CDK17: variants seen among roughly 807,000 people sequenced by gnomAD.
CDK17 encodes cyclin dependent kinase 17, also known as cyclin-dependent kinase 17.
CDK17 carries 24 observed loss-of-function variants against 77.6 expected under a neutral mutation model. The observed-to-expected ratio is 0.31, with a 90% CI of 0.22 to 0.44. CDK17 has a LOEUF of 0.44. CDK17 is among the 20% of genes least tolerant of loss of function. CDK17 has a pLI of 1.00. For synonymous variants in CDK17, 203 were observed against 210.4 expected, an observed-to-expected ratio of 0.96 and a Z score of 0.30; for missense variants, 429 against 622.5, an observed-to-expected ratio of 0.69 and a Z score of 3.31.
chr12:96,364,371 C>G (rs1366478180), intron 1 of CDK17, among the ~76,000 whole-genome samples: 1 of 152,122 alleles, frequency 6.6e-6, no homozygotes, highest in East Asian at 1.9e-4. Context: ...GTATTCCCAC[C>G]AGCAATGTGT....
At chr12:96,350,617 G>A (rs1953295773) in intron 1 of CDK17, among the ~76,000 whole-genome samples, 1 of 152,162 alleles carries the variant, frequency 6.6e-6, no homozygotes, top group Non-Finnish European at 1.5e-5. Flanking sequence ...CCATTCAATA[G>A]GGAGGGAGCA....
At chr12:96,297,828 TG>T in intron 7 of CDK17, 107 bp from the exon 8 acceptor site, 1 of 625,832 alleles carries the variant, frequency 1.6e-6, no homozygotes, top group South Asian at 2.3e-5. Flanking sequence ...GTTTAGGTCT[TG>T]GGCGGTGGCT....
At chr12:96,395,962 T>C (rs1370628035) in intron 1 of CDK17, among the ~76,000 whole-genome samples, 3 of 152,244 alleles carry the variant, frequency 2.0e-5, no homozygotes, top group Non-Finnish European at 4.4e-5. Context: ...CAATGTATGG[T>C]ATTTTGTTAT....
At chr12:96,361,245 A>C (rs1953488743) in intron 1 of CDK17, among the ~76,000 whole-genome samples, 1 of 152,176 alleles carries the variant, frequency 6.6e-6, no homozygotes. Flanking sequence ...AAAAACTGCA[A>C]ACTGGAACCA....
At chr12:96,330,991 G>A in intron 2 of CDK17, among the ~76,000 whole-genome samples, 1 of 152,194 alleles carries the variant, frequency 6.6e-6, no homozygotes, top group East Asian at 1.9e-4. Flanking sequence ...CTGTTACCCA[G>A]GCTGGAATGC....
At chr12:96,396,574 A>G (rs1009407663) in intron 1 of CDK17, among the ~76,000 whole-genome samples, 5 of 152,226 alleles carry the variant, frequency 3.3e-5, no homozygotes, top group African/African-American at 1.2e-4. Flanking sequence ...TATGAAATAT[A>G]CTTTAAATAC....
Position 96,282,541 on chromosome 12 carries a change from C to T in CDK17, c.1424G>A (p.Ser475Asn). ...TAAAGCATGTATTCTTGGTCCCAGA[C>T]TTCGAAAGTACACATGTTTCATGGC... Reference protein sequence around the residue: ...EEAMKHVYFRSLGPRIHALPE... With the variant: ...EEAMKHVYFRNLGPRIHALPE... Residue 475 changes from serine (S) to asparagine (N), a missense_variant, in exon 15 of 17, where the codon AGT becomes AAT. Physicochemically the swap from Ser to Asn is conservative, Grantham distance 46. Around this residue, in one of 4 missense-constraint regions of CDK17, gnomAD observed 115 missense variants for 124.2 expected, o/e 0.93. Coordinates refer to ENST00000261211, the MANE Select transcript of CDK17 (RefSeq NM_002595.5). The T allele has an allele frequency of 6.2e-7, 1 of 1,612,622 alleles. No homozygotes were observed. The highest frequency in any genetic ancestry group is 8.5e-7 in the Non-Finnish European group (1 of 1,178,636).
intron 1 of CDK17, among the ~76,000 whole-genome samples, chr12:96,392,475 C>A (rs1255600403): frequency 6.6e-6 from 1 of 152,032 alleles, no homozygotes; most frequent in Non-Finnish European, 1.5e-5. Context: ...TAAGACATTC[C>A]AAAACCCTTA....
chr12:96,318,113 G>A (rs1460386595), intron 3 of CDK17, among the ~76,000 whole-genome samples: 3 of 150,858 alleles, frequency 2.0e-5, no homozygotes, highest in African/African-American at 4.9e-5. Flanking sequence ...GATCTACCAA[G>A]CAAATGGAAA....
rs984407213 is a variant in CDK17 at position 96,278,739 on chromosome 12, T to G, written c.*1503A>C. 2.0e-5 allele frequency: 3 copies of G among 152,600 alleles called. No individual in the cohort carries two copies. Among genetic ancestry groups the G allele is most frequent in the Non-Finnish European group, 4.4e-5 (3 of 67,996 alleles). The allele number at this position is 152,600 out of a possible 1,614,324, so 9.5% of individuals were successfully genotyped here. A position where few individuals can be genotyped will look rare whatever the true frequency, so the allele number is the denominator to read the frequency against. On this transcript the variant is annotated 3_prime_UTR_variant, in exon 17 of 17. Coordinates refer to ENST00000261211, the MANE Select transcript of CDK17 (RefSeq NM_002595.5). ...TGTGAAAAGCAGTAGTGGTCCAATA[T>G]TCACCATTACACATGAATCTGTTTC...
Position 96,312,113 on chromosome 12 carries a change from C to CA in CDK17, c.418-937dup, listed in dbSNP as rs1405429982. ...CCAATATGGTGAAACCCTGTCTCTA[C>CA]AAAAAATACAAAAAAATTAGCCGGG... On this transcript the variant is annotated intron_variant, in intron 4 of 16. Transcript: ENST00000261211. 2.0e-5 allele frequency among the ~76,000 whole-genome samples: 3 copies of CA among 152,064 alleles called. No individual in the cohort carries two copies. In the East Asian group the frequency reaches 5.8e-4, roughly 29 times the overall value.
In CDK17 at chr12:96,345,843, G is replaced by A. The variant is rs577502327; in HGVS notation, c.-29-10978C>T. ...GTATGCTATTTTAAAAATTAGCAAA[G>A]TGCAATAAAAGGGCAAAAATAAAAA... is the stretch of plus-strand genomic sequence containing the variant. On this transcript the variant is annotated intron_variant, in intron 1 of 16. Transcript: ENST00000261211. 2.0e-5 allele frequency among the ~76,000 whole-genome samples: 3 copies of A among 152,142 alleles called. 1 individual carries two copies. Among genetic ancestry groups the A allele is most frequent in the African/African-American group, 7.2e-5 (3 of 41,510 alleles).
chr12:96,366,667 G>A (rs552336912), intron 1 of CDK17, among the ~76,000 whole-genome samples: 147 of 152,236 alleles, frequency 9.7e-4, no homozygotes, highest in Non-Finnish European at 1.2e-3. Context: ...TTCAACCAGT[G>A]ACATAATATA....
intron 15 of CDK17, chr12:96,282,214 G>A: frequency 3.7e-6 from 1 of 267,254 alleles, no homozygotes; most frequent in Non-Finnish European, 7.0e-6. Context: ...ATTGGGCCTA[G>A]GGACAATGCC....
intron 1 of CDK17, among the ~76,000 whole-genome samples, chr12:96,370,345 C>T (rs1038873506): frequency 6.6e-6 from 1 of 152,184 alleles, no homozygotes; most frequent in African/African-American, 2.4e-5. Flanking sequence ...TGAAATGATA[C>T]AGCTAGCAAG....
chr12:96,280,576 G>A, intron 16 of CDK17: 1 of 1,413,588 alleles, frequency 7.1e-7, no homozygotes, highest in Non-Finnish European at 9.2e-7. Context: ...TGTGCCATCT[G>A]CAGCTTTCAG....
At chr12:96,285,518 A>G (rs1952234574) in intron 13 of CDK17, among the ~76,000 whole-genome samples, 1 of 152,188 alleles carries the variant, frequency 6.6e-6, no homozygotes, top group Non-Finnish European at 1.5e-5. Flanking sequence ...AATGTAATAC[A>G]TTCTACAAGT....
At chr12:96,314,379 T>C (rs1427365611) in intron 3 of CDK17, among the ~76,000 whole-genome samples, 1 of 151,922 alleles carries the variant, frequency 6.6e-6, no homozygotes, top group African/African-American at 2.4e-5. Context: ...TTTTATTTTA[T>C]TTTTTTTGTA....
chr12:96,373,703 C>T (rs1965150), intron 1 of CDK17, among the ~76,000 whole-genome samples: 32,352 of 152,100 alleles, frequency 0.21, 4,350 homozygotes, highest in Middle Eastern at 0.32. Flanking sequence ...GGACAGATCA[C>T]AAGGTCAGGA....
Sources: gnomAD v4.1 joint callset for allele counts (sites outside exome capture counted in the v4.1 genomes callset) on GRCh38, gnomAD v4.1.1 for gene constraint, gnomAD v4.1.1 regional missense constraint, MANE v1.5 for transcripts, NCBI Gene and HGNC (gene_info 2026-07-23, HGNC 2026-07-21) for gene names.